The following MAK variants were observed in gnomAD, a reference collection of about 807,000 sequenced individuals.
MAK encodes male germ cell associated kinase.
In MAK, 65 loss-of-function variants were observed where a neutral mutation model predicts 82.6. The observed-to-expected ratio is 0.79, with a 90% CI of 0.64 to 0.97. The LOEUF (loss-of-function observed/expected upper bound fraction) is 0.97. Ranked by LOEUF, MAK falls within the 50% of genes least tolerant of loss-of-function variation. The probability of loss-of-function intolerance (pLI) is 0.00; values close to 1 mark genes in which losing one functional copy is unlikely to be tolerated. For missense variants in MAK, 703 were observed against 780.2 expected, an observed-to-expected ratio of 0.90 and a Z score of 1.18; for synonymous variants, 250 against 274.2, an observed-to-expected ratio of 0.91 and a Z score of 0.87.
intron 2 of MAK, among the ~76,000 whole-genome samples, chr6:10,819,197 A>C (rs187449757): frequency 1.2e-4 from 19 of 152,302 alleles, no homozygotes; most frequent in Admixed American, 1.2e-3. Context: ...ACATTTCTCT[A>C]ATCAGTTTAA....
intron 10 of MAK, among the ~76,000 whole-genome samples, chr6:10,786,086 A>C (rs2033914057): frequency 6.6e-6 from 1 of 152,094 alleles, no homozygotes; most frequent in Admixed American, 6.6e-5. Flanking sequence ...CTCTACTAAA[A>C]ATACAAAAAT....
intron 7 of MAK, chr6:10,802,365 G>A: frequency 6.4e-6 from 2 of 311,370 alleles, no homozygotes; most frequent in Non-Finnish European, 1.2e-5. Flanking sequence ...GAGTGCAGTG[G>A]AGCAATCATG....
chr6:10,814,785 C>T (rs1030011776), intron 4 of MAK, among the ~76,000 whole-genome samples: 1 of 152,016 alleles, frequency 6.6e-6, no homozygotes, highest in African/African-American at 2.4e-5. Flanking sequence ...GTGGCTCATG[C>T]CTGTAATCCC....
intron 11 of MAK, among the ~76,000 whole-genome samples, chr6:10,783,845 A>T (rs6909526): frequency 2.6e-5 from 4 of 152,098 alleles, no homozygotes; most frequent in South Asian, 2.1e-4. Flanking sequence ...ACGGTGAAAC[A>T]CCATCTCTAC....
intron 11 of MAK, among the ~76,000 whole-genome samples, chr6:10,782,035 G>A (rs1180896788): frequency 1.3e-5 from 2 of 152,032 alleles, no homozygotes; most frequent in African/African-American, 4.8e-5. Context: ...GTGAAACCCC[G>A]TCTCTACTAA....
At chr6:10,829,086 C>T (rs518204) in intron 2 of MAK, 113,902 of 152,162 alleles carry the variant, frequency 0.75, 43,793 homozygotes, top group African/African-American at 0.94. Context: ...ACTGAAACTT[C>T]GGCCAATTAT....
At chr6:10,837,367 T>C (rs1278013832) in intron 1 of MAK, among the ~76,000 whole-genome samples, 1 of 152,242 alleles carries the variant, frequency 6.6e-6, no homozygotes, top group Non-Finnish European at 1.5e-5. Flanking sequence ...CACAAATTAT[T>C]TCAAAGCTTA....
chr6:10,806,049 G>A (rs1053097656), intron 6 of MAK, among the ~76,000 whole-genome samples: 5 of 152,212 alleles, frequency 3.3e-5, no homozygotes, highest in African/African-American at 1.2e-4. Flanking sequence ...TAGTGAATGA[G>A]TTCTTTTTCA....
chr6:10,790,918 G>A (rs368252708), intron 10 of MAK, among the ~76,000 whole-genome samples: 5 of 152,114 alleles, frequency 3.3e-5, no homozygotes, highest in East Asian at 1.9e-4. Context: ...AGACTTGATC[G>A]TTTAAAAGAG....
chr6:10,774,702 C>T (rs867825745), intron 12 of MAK, among the ~76,000 whole-genome samples: 2 of 152,186 alleles, frequency 1.3e-5, no homozygotes, highest in African/African-American at 4.8e-5. Context: ...GTTAAGACTC[C>T]TTGACTTTAA....
chr6:10,783,890 G>A (rs915919081), intron 11 of MAK, among the ~76,000 whole-genome samples: 3 of 152,022 alleles, frequency 2.0e-5, no homozygotes, highest in Non-Finnish European at 2.9e-5. Flanking sequence ...GTGGTGGCTC[G>A]CACCTGTAGT....
chr6:10,769,573 G>A (rs1273273652), intron 14 of MAK, among the ~76,000 whole-genome samples: 2 of 152,194 alleles, frequency 1.3e-5, no homozygotes, highest in Non-Finnish European at 2.9e-5. Context: ...CCCTAAGATG[G>A]AACTGTAGAG....
At chr6:10,836,584 T>C (rs1779161210) in intron 1 of MAK, among the ~76,000 whole-genome samples, 1 of 152,212 alleles carries the variant, frequency 6.6e-6, no homozygotes, top group East Asian at 1.9e-4. Context: ...AAACACAGGC[T>C]TCCCATGGTT....
In MAK at chr6:10,775,318, C is replaced by A. The variant is rs918048500; in HGVS notation, c.1597+10G>T. ...ACCCCGTACATGTACATTTTGTATT[C>A]TTGCGTTACCTGCATTGCTCCTTTT... On this transcript the variant is annotated intron_variant, in intron 12 of 14. Coordinates refer to ENST00000354489, the MANE Select transcript of MAK (RefSeq NM_001242957.3). 4 of 1,612,404 alleles carry A rather than the reference C, an allele frequency of 2.5e-6. No individual in the cohort carries two copies. The highest frequency in any genetic ancestry group is 1.1e-5 in the South Asian group (1 of 90,990).
chr6:10,827,096 C>T (rs941634914), intron 2 of MAK, among the ~76,000 whole-genome samples: 5 of 152,022 alleles, frequency 3.3e-5, no homozygotes, highest in African/African-American at 1.2e-4. Flanking sequence ...GGCAACAGAG[C>T]AAGAATCCAT....
chr6:10,831,224 A>G (rs1322257521), intron 1 of MAK, among the ~76,000 whole-genome samples: 2 of 152,140 alleles, frequency 1.3e-5, no homozygotes, highest in Non-Finnish European at 2.9e-5. Context: ...TTTTTGTATC[A>G]TATTTAATTT....
chr6:10,775,037 C>T (rs907331054), intron 12 of MAK, among the ~76,000 whole-genome samples: 4 of 152,090 alleles, frequency 2.6e-5, no homozygotes, highest in Non-Finnish European at 4.4e-5. Flanking sequence ...AGGTTGATCT[C>T]GAACTCCTAG....
chr6:10,780,781 AAC>A (rs1305814799), intron 11 of MAK, among the ~76,000 whole-genome samples: 1 of 152,172 alleles, frequency 6.6e-6, no homozygotes, highest in Non-Finnish European at 1.5e-5. Context: ...AAAAACAAAA[AAC>A]ACAGTGAAAA....
At chr6:10,821,837 C>T (rs185704405) in intron 2 of MAK, among the ~76,000 whole-genome samples, 38 of 150,338 alleles carry the variant, frequency 2.5e-4, no homozygotes, top group African/African-American at 7.8e-4. Flanking sequence ...CACAGGGAGA[C>T]TTTGTCTCTT....
Sources: gnomAD v4.1 joint callset for allele counts (sites outside exome capture counted in the v4.1 genomes callset) on GRCh38, gnomAD v4.1.1 for gene constraint, MANE v1.5 for transcripts, NCBI Gene and HGNC (gene_info 2026-07-23, HGNC 2026-07-21) for gene names.